Variants in SPOCK3 observed in about 807,000 individuals in gnomAD.
The protein encoded by SPOCK3 is testican-3.
Under a neutral mutation model 56.6 loss-of-function variants are expected in SPOCK3, and 30 were observed. That is an observed-to-expected ratio of 0.53 (90% confidence interval 0.40 to 0.72). SPOCK3 has a LOEUF of 0.72. Among genes scored for constraint, SPOCK3 ranks in the 30% least tolerant of loss-of-function variants. The pLI is 0.00. For synonymous variants in SPOCK3, 196 were observed against 183.3 expected, an observed-to-expected ratio of 1.07 and a Z score of -0.56; for missense variants, 527 against 530.0, an observed-to-expected ratio of 0.99 and a Z score of 0.06.
intron 3 of SPOCK3, among the ~76,000 whole-genome samples, chr4:167,048,580 T>G (rs1185220051): frequency 1.3e-5 from 2 of 152,150 alleles, no homozygotes; most frequent in Non-Finnish European, 2.9e-5. Context: ...AAACGTATTT[T>G]CAGCTAACAC....
chr4:166,785,090 A>C (rs778314759), intron 7 of SPOCK3, among the ~76,000 whole-genome samples: 1 of 152,134 alleles, frequency 6.6e-6, no homozygotes, highest in African/African-American at 2.4e-5. Context: ...TGAATAAAAC[A>C]TCACCAAGCA....
At chr4:167,187,241 T>C (rs1732072738) in intron 2 of SPOCK3, among the ~76,000 whole-genome samples, 1 of 151,726 alleles carries the variant, frequency 6.6e-6, no homozygotes, top group African/African-American at 2.4e-5. Context: ...ACTTTGCCTC[T>C]TGTTTCTAGA....
chr4:166,991,810 T>C (rs1747819333), intron 4 of SPOCK3, among the ~76,000 whole-genome samples: 1 of 152,198 alleles, frequency 6.6e-6, no homozygotes, highest in African/African-American at 2.4e-5. Context: ...TGACACACTC[T>C]GGAGGTTGTT....
rs568158170 is a variant in SPOCK3 at position 166,871,530 on chromosome 4, C to T, written c.589+17600G>A. On this transcript the variant is annotated intron_variant, in intron 6 of 10. Coordinates refer to ENST00000357545, the MANE Select transcript of SPOCK3 (RefSeq NM_001040159.2). The stretch of plus-strand genomic sequence containing the variant: ...AGGAGCAATACATAATCTGAATAAC[C>T]GTATATCTATTGTAAAAATTGAACA... 1.9e-3 allele frequency among the ~76,000 whole-genome samples: 292 copies of T among 151,978 alleles called. 1 individual carries two copies. Among genetic ancestry groups the T allele is most frequent in the African/African-American group, 6.7e-3 (278 of 41,464 alleles).
At chr4:167,067,554 T>C (rs1161917814) in intron 2 of SPOCK3, among the ~76,000 whole-genome samples, 4 of 151,776 alleles carry the variant, frequency 2.6e-5, no homozygotes, top group Non-Finnish European at 5.9e-5. Context: ...GGTCAATCTA[T>C]ATGAAAAGAG....
In SPOCK3 at chr4:166,747,864, A is replaced by G. The variant is rs1735858325; in HGVS notation, c.932-5805T>C. Among the ~76,000 whole-genome samples the G allele has an allele frequency of 3.9e-5, 6 of 152,202 alleles. No individual in the cohort carries two copies. The South Asian group carries it at 1.2e-3, about 32-fold the overall frequency. On this transcript the variant is annotated intron_variant, in intron 8 of 10. Coordinates refer to ENST00000357545, the MANE Select transcript of SPOCK3 (RefSeq NM_001040159.2). ...TAACAGAAAAACAGAGAGCCAAATC[A>G]TGAGTGAACTCCCATTCATAATTGC...
chr4:166,876,276 C>T (rs1380896605), intron 6 of SPOCK3, among the ~76,000 whole-genome samples: 1 of 152,128 alleles, frequency 6.6e-6, no homozygotes, highest in African/African-American at 2.4e-5. Flanking sequence ...GAACTGCTTT[C>T]CTACATACCG....
At chr4:166,982,443 T>C (rs1746690603) in intron 4 of SPOCK3, among the ~76,000 whole-genome samples, 1 of 152,106 alleles carries the variant, frequency 6.6e-6, no homozygotes, top group African/African-American at 2.4e-5. Context: ...TCCCAGCTAC[T>C]TGGGAGGCTG....
intron 2 of SPOCK3, among the ~76,000 whole-genome samples, chr4:167,161,700 C>G (rs1191019549): frequency 6.6e-6 from 1 of 152,086 alleles, no homozygotes; most frequent in African/African-American, 2.4e-5. Flanking sequence ...CCATGGAATA[C>G]TATGCAGCCA....
At chr4:166,788,754 G>A (rs947726444) in intron 7 of SPOCK3, among the ~76,000 whole-genome samples, 3 of 151,274 alleles carry the variant, frequency 2.0e-5, no homozygotes, top group Non-Finnish European at 4.4e-5. Flanking sequence ...TATACAAGAC[G>A]TTTTTTTAAA....
At chr4:166,877,486 A>G (rs751071005) in intron 6 of SPOCK3, among the ~76,000 whole-genome samples, 6 of 152,210 alleles carry the variant, frequency 3.9e-5, no homozygotes, top group Non-Finnish European at 7.4e-5. Flanking sequence ...ACAAATAAAT[A>G]TAAACGTATT....
intron 4 of SPOCK3, among the ~76,000 whole-genome samples, chr4:166,998,671 C>T (rs1189122011): frequency 6.6e-6 from 1 of 152,072 alleles, no homozygotes; most frequent in Non-Finnish European, 1.5e-5. Context: ...GACTTGGGTT[C>T]ACGGGGCCAG....
At chr4:167,206,936 T>C (rs963868097) in intron 2 of SPOCK3, among the ~76,000 whole-genome samples, 2 of 151,984 alleles carry the variant, frequency 1.3e-5, no homozygotes, top group Non-Finnish European at 2.9e-5. Flanking sequence ...AGGATGACTA[T>C]AGCTAGAAGG....
chr4:166,949,391 G>T (rs1017968528), intron 4 of SPOCK3, among the ~76,000 whole-genome samples: 3 of 152,154 alleles, frequency 2.0e-5, no homozygotes, highest in Non-Finnish European at 4.4e-5. Context: ...GAGGAACTGC[G>T]TTCCTTTGGA....
At chr4:166,894,751 T>C (rs17520623) in intron 5 of SPOCK3, among the ~76,000 whole-genome samples, 11,765 of 152,158 alleles carry the variant, frequency 0.077, 543 homozygotes, top group Non-Finnish European at 0.1. Flanking sequence ...ACCTAACCCT[T>C]ACCTTACTAA....
chr4:166,743,574 A>G (rs1425015609), intron 8 of SPOCK3, among the ~76,000 whole-genome samples: 6 of 152,182 alleles, frequency 3.9e-5, no homozygotes, highest in Admixed American at 6.5e-5. Flanking sequence ...TGCATTTCCA[A>G]CTGAGGTACT....
chr4:167,203,355 T>G (rs1188855334), intron 2 of SPOCK3, among the ~76,000 whole-genome samples: 1 of 151,996 alleles, frequency 6.6e-6, no homozygotes. Context: ...TATTTTAAGT[T>G]ACATTATTTA....
chr4:167,040,926 A>C (rs934915051), intron 3 of SPOCK3, among the ~76,000 whole-genome samples: 6 of 152,198 alleles, frequency 3.9e-5, no homozygotes, highest in African/African-American at 1.4e-4. Flanking sequence ...AGTTACAGTG[A>C]GTGGAAAGAA....
intron 4 of SPOCK3, among the ~76,000 whole-genome samples, chr4:166,947,665 G>T (rs1229526818): frequency 6.6e-6 from 1 of 151,922 alleles, no homozygotes; most frequent in East Asian, 1.9e-4. Flanking sequence ...TCCCAGTTTT[G>T]TTGCTTAAAG....
Sources: allele counts gnomAD v4.1 joint callset (sites outside exome capture counted in the v4.1 genomes callset), GRCh38; gene constraint gnomAD v4.1.1; transcripts MANE v1.5; gene names NCBI Gene and HGNC (gene_info 2026-07-23, HGNC 2026-07-21).